CACNA2D1: variants seen among roughly 807,000 people sequenced by gnomAD.
CACNA2D1 encodes voltage-dependent calcium channel subunit alpha-2/delta-1.
CACNA2D1 carries 53 observed loss-of-function variants against 171.5 expected under a neutral mutation model. That is an observed-to-expected ratio of 0.31 (90% confidence interval 0.25 to 0.39). The LOEUF (loss-of-function observed/expected upper bound fraction) is 0.39, where lower values mean the gene tolerates loss of function less well. Ranked by LOEUF, CACNA2D1 falls within the 10% of genes least tolerant of loss-of-function variation. The pLI, the probability that CACNA2D1 is intolerant of heterozygous loss-of-function variation, is 1.00. For synonymous variants in CACNA2D1, 442 were observed against 443.1 expected, an observed-to-expected ratio of 1.00 and a Z score of 0.03; for missense variants, 903 against 1,299.8, an observed-to-expected ratio of 0.69 and a Z score of 4.69.
At position 82,393,321 on chromosome 7, in the gene CACNA2D1, C is replaced by T. The variant is rs146630050; in HGVS notation, c.96-43672G>A. Among the ~76,000 whole-genome samples, 291 of 152,236 alleles carry T rather than the reference C, an allele frequency of 1.9e-3. 2 individuals are homozygous for T. Among genetic ancestry groups the T allele is most frequent in the African/African-American group, 6.9e-3 (285 of 41,514 alleles). On this transcript the variant is annotated intron_variant, in intron 1 of 38. Coordinates refer to ENST00000356860, the MANE Select transcript of CACNA2D1 (RefSeq NM_000722.4). Reference sequence around the variant, plus strand: ...CATTGACCTCTTATACAAAGAACAGCAGTAAGCATGCTCTTGAACGTAATG... The same window carrying T: ...CATTGACCTCTTATACAAAGAACAGTAGTAAGCATGCTCTTGAACGTAATG...
At chr7:82,109,803 C>T (rs1788164707) in intron 6 of CACNA2D1, among the ~76,000 whole-genome samples, 1 of 152,138 alleles carries the variant, frequency 6.6e-6, no homozygotes, top group Non-Finnish European at 1.5e-5. Context: ...TTACTTACTG[C>T]ATGCAATCCT....
At chr7:82,327,422 C>T (rs1299924059) in intron 3 of CACNA2D1, among the ~76,000 whole-genome samples, 1 of 152,174 alleles carries the variant, frequency 6.6e-6, no homozygotes, top group Non-Finnish European at 1.5e-5. Context: ...GTTGTCTTGT[C>T]TATTAATCAT....
chr7:82,276,718 A>G (rs1450972664), intron 3 of CACNA2D1, among the ~76,000 whole-genome samples: 2 of 150,938 alleles, frequency 1.3e-5, no homozygotes, highest in African/African-American at 4.9e-5. Context: ...TGATGGATAC[A>G]TTGACATCCA....
intron 3 of CACNA2D1, among the ~76,000 whole-genome samples, chr7:82,221,939 C>T (rs575816885): frequency 6.6e-5 from 10 of 150,832 alleles, no homozygotes; most frequent in South Asian, 2.1e-4. Context: ...CTAGTCTATC[C>T]GCTTAAATAA....
chr7:82,222,459 T>C (rs1477034194), intron 3 of CACNA2D1, among the ~76,000 whole-genome samples: 2 of 152,180 alleles, frequency 1.3e-5, no homozygotes, highest in Non-Finnish European at 1.5e-5. Flanking sequence ...CTTGTCCTGT[T>C]TCTAGCTTGA....
intron 38 of CACNA2D1, among the ~76,000 whole-genome samples, chr7:81,956,050 C>T (rs1251406463): frequency 7.4e-6 from 1 of 135,474 alleles, no homozygotes; most frequent in South Asian, 2.4e-4. Context: ...TGCAGTGGCA[C>T]AATCTCAGCT....
chr7:82,195,674 C>A (rs1404668184), intron 3 of CACNA2D1, among the ~76,000 whole-genome samples: 1 of 147,432 alleles, frequency 6.8e-6, no homozygotes, highest in East Asian at 2.1e-4. Context: ...AAAAAAAAAA[C>A]CCTCTGGCCT....
intron 6 of CACNA2D1, among the ~76,000 whole-genome samples, chr7:82,085,724 G>C (rs6977982): frequency 0.63 from 94,778 of 151,142 alleles, 30,279 homozygotes; most frequent in African/African-American, 0.75. Context: ...TTAATAATTA[G>C]AGCATGGTGC....
rs558748241 is a variant in CACNA2D1, at chr7:82,005,564, A to C, written c.1516-67T>G. On this transcript the variant is annotated intron_variant, in intron 17 of 38. Transcript: ENST00000356860. ...CACAATTAGAAATCTATATTCTTTT[A>C]AATACATAATGTATTAAATACACAT... 4 of 1,027,128 alleles carry C rather than the reference A, an allele frequency of 3.9e-6. No individual in the cohort carries two copies. In the South Asian group the frequency reaches 5.6e-5, roughly 14 times the overall value. 63.6% of individuals were successfully genotyped at this position (1,027,128 alleles called of 1,614,324 possible). A position where few individuals can be genotyped will look rare whatever the true frequency, so the allele number is the denominator to read the frequency against.
chr7:82,104,978 T>C (rs921034338), intron 6 of CACNA2D1, among the ~76,000 whole-genome samples: 6 of 152,088 alleles, frequency 3.9e-5, no homozygotes, highest in African/African-American at 7.2e-5. Flanking sequence ...TATTTTGAAT[T>C]ATACTTGAAA....
intron 3 of CACNA2D1, among the ~76,000 whole-genome samples, chr7:82,300,263 C>T (rs1812835762): frequency 6.6e-6 from 1 of 151,570 alleles, no homozygotes; most frequent in African/African-American, 2.4e-5. Context: ...ATAAAGAAGG[C>T]CTGTGGACTG....
At chr7:82,209,079 C>T (rs1056110628) in intron 3 of CACNA2D1, among the ~76,000 whole-genome samples, 2 of 151,874 alleles carry the variant, frequency 1.3e-5, no homozygotes, top group African/African-American at 4.8e-5. Context: ...ATTCCAGATT[C>T]ATACACATTC....
At position 82,366,133 on chromosome 7, in the gene CACNA2D1, G is replaced by A. The variant is rs79632775; in HGVS notation, c.96-16484C>T. Reference sequence around the variant, plus strand: ...GGCCCATATACTCACTTTCACTTTGGGGAACAGAATGAAATTTTGGTCTTG... The same window carrying A: ...GGCCCATATACTCACTTTCACTTTGAGGAACAGAATGAAATTTTGGTCTTG... On this transcript the variant is annotated intron_variant, in intron 1 of 38. Coordinates refer to ENST00000356860, the MANE Select transcript of CACNA2D1 (RefSeq NM_000722.4). Among the ~76,000 whole-genome samples, 31 of 152,222 alleles carry A rather than the reference G, an allele frequency of 2.0e-4. No individual in the cohort carries two copies. In the East Asian group the frequency reaches 6.0e-3, roughly 29 times the overall value.
At chr7:82,276,788 C>G (rs1474271898) in intron 3 of CACNA2D1, among the ~76,000 whole-genome samples, 1 of 146,318 alleles carries the variant, frequency 6.8e-6, no homozygotes, top group Non-Finnish European at 1.5e-5. Context: ...CTCATTCTGT[C>G]GCCAGGCTTT....
intron 14 of CACNA2D1, among the ~76,000 whole-genome samples, chr7:82,012,797 TGTTA>T (rs1799956093): frequency 1.3e-5 from 2 of 152,274 alleles, no homozygotes; most frequent in South Asian, 4.1e-4. Context: ...ACAAATGCCA[TGTTA>T]TTTATGCTAA....
In CACNA2D1 at chr7:82,042,472, A is replaced by C. The variant is rs576604236; in HGVS notation, c.880-4237T>G. Among the ~76,000 whole-genome samples the C allele has an allele frequency of 3.0e-4, 45 of 152,308 alleles. 1 individual carries two copies. The South Asian group carries it at 5.6e-3, about 19-fold the overall frequency. ...TCAATTAAGAAAATACTTCTTGTAA[A>C]AGTGTGTATTTAACATGACAGAGTC... is the stretch of plus-strand genomic sequence containing the variant. On this transcript the variant is annotated intron_variant, in intron 10 of 38. Coordinates refer to ENST00000356860, the MANE Select transcript of CACNA2D1 (RefSeq NM_000722.4).
At chr7:81,997,302 T>C in intron 18 of CACNA2D1, 52 bp from the exon 19 acceptor site, 1 of 1,153,492 alleles carries the variant, frequency 8.7e-7, no homozygotes, top group Non-Finnish European at 1.3e-6. Context: ...ACAATGATGC[T>C]GTGTATAAAA....
chr7:82,287,926 G>T (rs1811025600), intron 3 of CACNA2D1, among the ~76,000 whole-genome samples: 1 of 151,752 alleles, frequency 6.6e-6, no homozygotes, highest in East Asian at 1.9e-4. Flanking sequence ...CGCCTCCCGG[G>T]TTTACACCAT....
At chr7:82,269,116 T>C (rs1303046007) in intron 3 of CACNA2D1, among the ~76,000 whole-genome samples, 1 of 152,178 alleles carries the variant, frequency 6.6e-6, no homozygotes, top group Non-Finnish European at 1.5e-5. Context: ...ATAGTCCCTC[T>C]TTCCTATATC....
Sources: gnomAD v4.1 joint callset for allele counts (sites outside exome capture counted in the v4.1 genomes callset) on GRCh38, gnomAD v4.1.1 for gene constraint, MANE v1.5 for transcripts, NCBI Gene and HGNC (gene_info 2026-07-23, HGNC 2026-07-21) for gene names.